DCX: variants seen among roughly 807,000 people sequenced by gnomAD.
DCX encodes the protein neuronal migration protein doublecortin.
A neutral mutation model predicts 20.9 loss-of-function variants in DCX; 4 were observed. The observed-to-expected ratio is 0.19, with a 90% CI of 0.09 to 0.44. The LOEUF (loss-of-function observed/expected upper bound fraction) is 0.44, where lower values mean the gene tolerates loss of function less well. Ranked by LOEUF, DCX falls within the 20% of genes least tolerant of loss-of-function variation. DCX has a pLI of 0.99. For missense variants in DCX, 133 were observed against 296.9 expected, an observed-to-expected ratio of 0.45 and a Z score of 4.06; for synonymous variants, 103 against 111.4, an observed-to-expected ratio of 0.92 and a Z score of 0.47.
At chrX:111,411,257 C>G in intron 1 of DCX, 1 of 313,903 alleles carries the variant, frequency 3.2e-6, no homozygotes, top group Non-Finnish European at 5.6e-6. Flanking sequence ...AGGTGCTCCA[C>G]CCCCTCCCCA....
chrX:111,367,528 A>G (rs1166440617), intron 3 of DCX, among the ~76,000 whole-genome samples: 2 of 111,768 alleles, frequency 1.8e-5, no homozygotes, highest in Non-Finnish European at 3.8e-5. Context: ...ACTACCTCCA[A>G]TTGGCATCCA....
intron 3 of DCX, among the ~76,000 whole-genome samples, chrX:111,364,917 C>T (rs753194776): frequency 4.6e-5 from 5 of 109,391 alleles, no homozygotes; most frequent in Admixed American, 2.0e-4. Flanking sequence ...CGGGGTCTCA[C>T]TCTGTTGCCC....
chrX:111,376,466 G>C (rs1234286345), intron 3 of DCX, among the ~76,000 whole-genome samples: 1 of 112,116 alleles, frequency 8.9e-6, no homozygotes, highest in East Asian at 2.8e-4. Context: ...TTATGAATAA[G>C]TCCCTGAGGA....
At chrX:111,366,041 A>T (rs1439563217) in intron 3 of DCX, among the ~76,000 whole-genome samples, 1 of 112,309 alleles carries the variant, frequency 8.9e-6, no homozygotes, top group African/African-American at 3.2e-5. Flanking sequence ...CTGTTGGACA[A>T]AACTGCTCCT....
chrX:111,358,224 C>T (rs150621945), intron 3 of DCX, among the ~76,000 whole-genome samples: 3,105 of 112,230 alleles, frequency 0.028, 118 homozygotes, highest in African/African-American at 0.095. Context: ...TCTTAGACTA[C>T]ATTGATAGAA....
intron 3 of DCX, among the ~76,000 whole-genome samples, chrX:111,343,349 A>G (rs183289239): frequency 1.2e-4 from 13 of 109,412 alleles, no homozygotes; most frequent in African/African-American, 2.7e-4. Flanking sequence ...TTGGATACAT[A>G]CACCCTCCCA....
At position 111,312,673 on chromosome X, in the gene DCX, G is replaced by T; in HGVS notation, c.1010C>A (p.Pro337His). The T allele has an allele frequency of 8.3e-7, 1 of 1,211,843 alleles. No homozygotes were observed. Among genetic ancestry groups the T allele is most frequent in the Non-Finnish European group, 1.1e-6 (1 of 895,534 alleles). Residue 337 changes from proline to histidine, a missense_variant, in exon 6 of 7, where the codon CCC (proline) becomes CAC (histidine). Around this residue, in one of 2 missense-constraint regions of DCX, gnomAD observed 68 missense variants for 84.3 expected, o/e 0.81. Transcript: ENST00000636035. ...CTTCCGGAGGCTGCCAGGACTGGTGGGCGTAGAGATGGGAGACTGCTTAGA... is the reference window on the plus strand; with the variant it reads ...CTTCCGGAGGCTGCCAGGACTGGTGTGCGTAGAGATGGGAGACTGCTTAGA... Reference protein sequence around the residue: ...PKSKQSPISTPTSPGSLRKHK... With the variant: ...PKSKQSPISTHTSPGSLRKHK...
chrX:111,390,699 C>A (rs181661330), intron 3 of DCX, among the ~76,000 whole-genome samples: 1 of 111,256 alleles, frequency 9.0e-6, no homozygotes, highest in South Asian at 3.8e-4. Context: ...AATTCCCCTG[C>A]TTAAAATCCT....
intron 3 of DCX, among the ~76,000 whole-genome samples, chrX:111,348,092 A>G (rs985465047): frequency 1.8e-5 from 2 of 112,228 alleles, no homozygotes; most frequent in Non-Finnish European, 3.8e-5. Flanking sequence ...GTCAAGGTCC[A>G]TGAAGGTTCA....
intron 5 of DCX, among the ~76,000 whole-genome samples, chrX:111,329,548 G>C (rs559690956): frequency 9.0e-6 from 1 of 111,353 alleles, no homozygotes; most frequent in East Asian, 2.8e-4. Flanking sequence ...GCATGCTATG[G>C]TATTGCAGAG....
At chrX:111,336,463 C>T (rs970721051) in intron 3 of DCX, among the ~76,000 whole-genome samples, 1 of 112,644 alleles carries the variant, frequency 8.9e-6, no homozygotes, top group Non-Finnish European at 1.9e-5. Flanking sequence ...CTCCCAAATG[C>T]AGACAAATGC....
intron 6 of DCX, among the ~76,000 whole-genome samples, chrX:111,302,929 G>T (rs763604704): frequency 9.0e-6 from 1 of 111,359 alleles, no homozygotes; most frequent in South Asian, 3.8e-4. Flanking sequence ...CACAGCTTTT[G>T]CATGGTCTTT....
intron 3 of DCX, among the ~76,000 whole-genome samples, chrX:111,386,523 A>T (rs1473182219): frequency 9.0e-6 from 1 of 111,421 alleles, no homozygotes; most frequent in Non-Finnish European, 1.9e-5. Context: ...GATAGGGTTT[A>T]TTGGTAAACC....
At chrX:111,405,688 A>T (rs1223067800) in intron 2 of DCX, among the ~76,000 whole-genome samples, 16 of 111,386 alleles carry the variant, frequency 1.4e-4, no homozygotes, top group South Asian at 3.8e-4. Context: ...TTCTAAAAAA[A>T]ATAAATAAAA....
chrX:111,330,627 T>C (rs1436062392), intron 5 of DCX, among the ~76,000 whole-genome samples: 3 of 111,903 alleles, frequency 2.7e-5, no homozygotes, highest in Non-Finnish European at 5.6e-5. Flanking sequence ...CCACATGATG[T>C]TGAAGATGAT....
At chrX:111,336,562 T>C (rs1432775358) in intron 3 of DCX, among the ~76,000 whole-genome samples, 2 of 111,912 alleles carry the variant, frequency 1.8e-5, no homozygotes, top group Non-Finnish European at 3.8e-5. Context: ...GTTGGGAAAA[T>C]AGAATGCTCT....
rs1352716429 is a variant in DCX, at chrX:111,296,865, C to A, written c.*4822G>T. ...TCTGCATAGATCCTTAACAAGGAAA[C>A]AAGGCAGGACGCAACACTAAGAGTC... On this transcript the variant is annotated 3_prime_UTR_variant, in exon 7 of 7. Transcript: ENST00000636035. The A allele has an allele frequency of 9.1e-6, 1 of 109,892 alleles. No individual in the cohort carries two copies. Among genetic ancestry groups the A allele is most frequent in the African/African-American group, 3.3e-5 (1 of 30,072 alleles). 9.1% of individuals were successfully genotyped at this position (109,892 alleles called of 1,213,427 possible).
Position 111,295,551 on chromosome X carries a change from C to T in DCX, c.*6136G>A, listed in dbSNP as rs1335923217. On this transcript the variant is annotated 3_prime_UTR_variant, in exon 7 of 7. Transcript: ENST00000636035. ...TGGTAAAACTTTAAGCAATTACTCCCCCACCCCCATCCAGCCAAAACAAAT... is the reference window on the plus strand; with the variant it reads ...TGGTAAAACTTTAAGCAATTACTCCTCCACCCCCATCCAGCCAAAACAAAT... 8.9e-6 allele frequency: 1 copy of T among 111,733 alleles called. No homozygotes were observed. Among genetic ancestry groups the T allele is most frequent in the Admixed American group, 9.6e-5 (1 of 10,458 alleles). 9.2% of individuals were successfully genotyped at this position (111,733 alleles called of 1,213,427 possible).
At chrX:111,369,563 G>A (rs1226577107) in intron 3 of DCX, among the ~76,000 whole-genome samples, 2 of 111,397 alleles carry the variant, frequency 1.8e-5, no homozygotes, top group Non-Finnish European at 3.8e-5. Context: ...TTATCCAAGG[G>A]GATGGTCCCA....
Sources: gnomAD v4.1 joint callset for allele counts (sites outside exome capture counted in the v4.1 genomes callset) on GRCh38, gnomAD v4.1.1 for gene constraint, gnomAD v4.1.1 regional missense constraint, MANE v1.5 for transcripts, NCBI Gene and HGNC (gene_info 2026-07-23, HGNC 2026-07-21) for gene names.